The following ERP44 variants were observed in gnomAD, a reference collection of about 807,000 sequenced individuals.
The protein encoded by ERP44 is endoplasmic reticulum resident protein 44.
Under a neutral mutation model 53.4 loss-of-function variants are expected in ERP44, and 25 were observed. The observed-to-expected ratio is 0.47, with a 90% CI of 0.34 to 0.65. The LOEUF (loss-of-function observed/expected upper bound fraction) is 0.65. Ranked by LOEUF, ERP44 falls within the 30% of genes least tolerant of loss-of-function variation. ERP44 has a pLI of 0.01. For missense variants in ERP44, 338 were observed against 493.2 expected (o/e 0.69, Z 2.98); for synonymous variants, 145 against 161.2 (o/e 0.90, Z 0.76).
At chr9:100,076,750 C>A (rs1826361313) in intron 1 of ERP44, among the ~76,000 whole-genome samples, 1 of 152,196 alleles carries the variant, frequency 6.6e-6, no homozygotes, top group Non-Finnish European at 1.5e-5. Flanking sequence ...ATATTTGTAT[C>A]CCATGTGAGT....
chr9:100,039,029 T>C (rs1289813520), intron 4 of ERP44, among the ~76,000 whole-genome samples: 2 of 152,012 alleles, frequency 1.3e-5, no homozygotes, highest in Non-Finnish European at 2.9e-5. Context: ...CACTGGAACA[T>C]CCAGATATAT....
At chr9:100,074,954 A>G (rs914711759) in intron 1 of ERP44, among the ~76,000 whole-genome samples, 4 of 152,116 alleles carry the variant, frequency 2.6e-5, no homozygotes, top group African/African-American at 4.8e-5. Context: ...AGCTGGCAGA[A>G]CCCCCACATT....
intron 1 of ERP44, among the ~76,000 whole-genome samples, chr9:100,081,303 A>G (rs1245321722): frequency 6.6e-6 from 1 of 152,182 alleles, no homozygotes; most frequent in Non-Finnish European, 1.5e-5. Context: ...ACAAAGTGGA[A>G]TGGGGCCAAA....
At chr9:99,998,292 C>G in intron 10 of ERP44, 1 of 419,204 alleles carries the variant, frequency 2.4e-6, no homozygotes, top group Non-Finnish European at 4.5e-6. Context: ...GGCTGGTGCA[C>G]GCAGTGACTC....
chr9:100,064,270 C>T (rs1344067537), intron 1 of ERP44, among the ~76,000 whole-genome samples: 1 of 152,064 alleles, frequency 6.6e-6, no homozygotes, highest in Non-Finnish European at 1.5e-5. Context: ...CCTGTTTGTA[C>T]ACAAGAAACA....
intron 10 of ERP44, among the ~76,000 whole-genome samples, chr9:100,005,953 G>A (rs1830421092): frequency 6.6e-6 from 1 of 152,116 alleles, no homozygotes; most frequent in Admixed American, 6.5e-5. Context: ...TAGCTACAAG[G>A]CTTGTACATA....
intron 1 of ERP44, among the ~76,000 whole-genome samples, chr9:100,074,352 A>G (rs1826334791): frequency 2.0e-5 from 3 of 152,186 alleles, no homozygotes; most frequent in Admixed American, 1.3e-4. Flanking sequence ...GAATAACACT[A>G]TTCAGAATAT....
chr9:100,097,186 A>G (rs1826643403), intron 1 of ERP44, among the ~76,000 whole-genome samples: 1 of 152,222 alleles, frequency 6.6e-6, no homozygotes, highest in Non-Finnish European at 1.5e-5. Context: ...ACTCATATTT[A>G]ACAAGATTAG....
At chr9:100,056,843 G>A (rs549716036) in intron 3 of ERP44, among the ~76,000 whole-genome samples, 71 of 152,276 alleles carry the variant, frequency 4.7e-4, no homozygotes, top group African/African-American at 1.6e-3. Context: ...AACAGCTACA[G>A]AGGGAATAAG....
chr9:100,059,487 A>G (rs1345267834), intron 2 of ERP44, among the ~76,000 whole-genome samples: 1 of 152,114 alleles, frequency 6.6e-6, no homozygotes, highest in African/African-American at 2.4e-5. Flanking sequence ...GGAATTCAAG[A>G]CCAGCCTGGG....
intron 1 of ERP44, among the ~76,000 whole-genome samples, chr9:100,073,544 A>C (rs955347924): frequency 2.0e-5 from 3 of 152,160 alleles, no homozygotes; most frequent in Non-Finnish European, 2.9e-5. Flanking sequence ...GCTGCTTTTG[A>C]TTCTGATGTT....
intron 4 of ERP44, among the ~76,000 whole-genome samples, chr9:100,043,864 G>A (rs567015059): frequency 3.7e-4 from 57 of 152,208 alleles, no homozygotes; most frequent in African/African-American, 1.2e-3. Context: ...ATAAGTTCTA[G>A]TGTTGTTCTA....
chr9:99,991,027 A>T (rs1293905741), intron 10 of ERP44, among the ~76,000 whole-genome samples: 3 of 152,150 alleles, frequency 2.0e-5, no homozygotes, highest in African/African-American at 7.2e-5. Context: ...AAGTCCTTAG[A>T]GACCTACAAA....
chr9:100,059,015 G>A (rs1587977195), intron 2 of ERP44, among the ~76,000 whole-genome samples: 1 of 152,134 alleles, frequency 6.6e-6, no homozygotes, highest in African/African-American at 2.4e-5. Flanking sequence ...TTTAGGTAGG[G>A]GTCTAGCAGT....
chr9:99,984,018 A>G (rs1331890777), intron 11 of ERP44, among the ~76,000 whole-genome samples: 1 of 152,168 alleles, frequency 6.6e-6, no homozygotes, highest in African/African-American at 2.4e-5. Context: ...TTTCTGAGGA[A>G]AATAATCACC....
chr9:100,083,213 C>T (rs1330044862), intron 1 of ERP44, among the ~76,000 whole-genome samples: 1 of 151,898 alleles, frequency 6.6e-6, no homozygotes, highest in East Asian at 1.9e-4. Context: ...TAATGCTATT[C>T]ACTGTAATAT....
intron 1 of ERP44, among the ~76,000 whole-genome samples, chr9:100,070,315 C>G (rs1826285974): frequency 6.6e-6 from 1 of 152,158 alleles, no homozygotes; most frequent in Admixed American, 6.5e-5. Flanking sequence ...CTGTGAAAAA[C>G]ATAATTTGTA....
intron 10 of ERP44, among the ~76,000 whole-genome samples, chr9:99,989,749 C>CGAACCCATCACAAG (rs1587954325): frequency 1.3e-5 from 2 of 152,094 alleles, no homozygotes; most frequent in East Asian, 3.9e-4. Context: ...GGAGGATGTT[C>CGAACCCATCACAAG]GAACCCATCA....
At chr9:100,058,748 C>G (rs1826112053) in intron 2 of ERP44, among the ~76,000 whole-genome samples, 1 of 152,140 alleles carries the variant, frequency 6.6e-6, no homozygotes, top group African/African-American at 2.4e-5. Context: ...TTTTGCCTAT[C>G]CCTAATTCAG....
Sources: gnomAD v4.1 joint callset for allele counts (sites outside exome capture counted in the v4.1 genomes callset) on GRCh38, gnomAD v4.1.1 for gene constraint, MANE v1.5 for transcripts, NCBI Gene and HGNC (gene_info 2026-07-23, HGNC 2026-07-21) for gene names.